The following LTBP1 variants were observed in gnomAD, a reference collection of about 807,000 sequenced individuals.
The protein encoded by LTBP1 is latent-transforming growth factor beta-binding protein 1.
A neutral mutation model predicts 207.6 loss-of-function variants in LTBP1; 129 were observed. The ratio of observed to expected loss-of-function variants is 0.62; its 90% CI spans 0.54 to 0.72. LTBP1 has a LOEUF of 0.72. Ranked by LOEUF, LTBP1 falls within the 30% of genes least tolerant of loss-of-function variation. LTBP1 has a pLI of 0.00. For missense variants in LTBP1, 2,281 were observed against 2,217.2 expected (o/e 1.03, Z -0.58); for synonymous variants, 963 against 833.7 (o/e 1.16, Z -2.67).
intron 9 of LTBP1, among the ~76,000 whole-genome samples, chr2:33,229,604 A>G (rs2091671029): frequency 1.3e-5 from 2 of 152,264 alleles, no homozygotes; most frequent in South Asian, 2.1e-4. Context: ...TAGAAGTGAT[A>G]GAAGTGCAAA....
chr2:33,221,231 A>G (rs530271717), intron 8 of LTBP1, among the ~76,000 whole-genome samples: 1 of 152,276 alleles, frequency 6.6e-6, no homozygotes, highest in East Asian at 1.9e-4. Context: ...TTATCTCTAA[A>G]TTGCAGAAGA....
In LTBP1 at chr2:33,188,689, A is replaced by C. The variant is rs113602370; in HGVS notation, c.1539A>C (p.Glu513Asp). 6.2e-7 allele frequency: 1 copy of C among 1,614,180 alleles called. No individual in the cohort carries two copies. Among genetic ancestry groups the C allele is most frequent in the East Asian group, 2.2e-5 (1 of 44,880 alleles). ...GCCCAACAGGCCAGAAGACAAAAGA[A>C]GCTCAACCAGGCCAATCCCAAGTCT... The part of the protein sequence containing the change: ...IDGPTGQKTK[E>D]AQPGQSQVSY... The change falls in exon 7 of 34, where the codon GAA becomes GAC. Residue 513 changes from glutamate (E) to aspartate (D), a missense_variant. Physicochemically the swap from Glu to Asp is conservative, Grantham distance 45. This residue lies in a region of LTBP1 where 1,671 missense variants were observed against 1,634.8 expected (regional missense o/e 1.02). Transcript: ENST00000404816.
chr2:32,976,547 T>C lies in LTBP1; in HGVS notation c.565+27602T>C, dbSNP rs146393600. 3.1e-3 allele frequency among the ~76,000 whole-genome samples: 478 copies of C among 152,260 alleles called. 1 individual carries two copies. The highest frequency in any genetic ancestry group is 8.2e-3 in the Admixed American group (125 of 15,298). ...TAGGCTCTTACCGTACTGCAAAGCT[T>C]TTTTGTTTTAGCACAGTGGGTAGGA... On this transcript the variant is annotated intron_variant, in intron 2 of 33. Transcript: ENST00000404816.
At chr2:33,011,170 A>C (rs1402965597) in intron 2 of LTBP1, among the ~76,000 whole-genome samples, 4 of 152,312 alleles carry the variant, frequency 2.6e-5, no homozygotes, top group African/African-American at 9.6e-5. Flanking sequence ...GCTTAATCCT[A>C]AAATATGGCC....
At position 33,351,517 on chromosome 2, in the gene LTBP1, T is replaced by C. The variant is rs904855185; in HGVS notation, c.4000+4007T>C. Among the ~76,000 whole-genome samples, 3 of 152,336 alleles carry C rather than the reference T, an allele frequency of 2.0e-5. 1 individual carries two copies. The highest frequency in any genetic ancestry group is 2.0e-4 in the Admixed American group (3 of 15,302). Reference sequence around the variant, plus strand: ...AATTTTTAAAAAGTCTCCTGCAGTATCACCATCCAATATCTGTCACCATGT... The same window carrying C: ...AATTTTTAAAAAGTCTCCTGCAGTACCACCATCCAATATCTGTCACCATGT... On this transcript the variant is annotated intron_variant, in intron 26 of 33. Transcript: ENST00000404816.
chr2:33,106,860 T>G (rs2080094181), intron 3 of LTBP1, among the ~76,000 whole-genome samples: 1 of 152,238 alleles, frequency 6.6e-6, no homozygotes, highest in Admixed American at 6.5e-5. Flanking sequence ...AGGCATTGAC[T>G]TCTTCTCCCT....
At chr2:33,294,852 C>G (rs978732238) in intron 20 of LTBP1, among the ~76,000 whole-genome samples, 1 of 151,860 alleles carries the variant, frequency 6.6e-6, no homozygotes, top group Non-Finnish European at 1.5e-5. Flanking sequence ...GCTGGGATTA[C>G]AGGCATGAGC....
At chr2:33,156,563 G>A (rs1182791799) in intron 5 of LTBP1, among the ~76,000 whole-genome samples, 1 of 151,994 alleles carries the variant, frequency 6.6e-6, no homozygotes, top group Non-Finnish European at 1.5e-5. Context: ...ATGACAGCAT[G>A]GTTTGCAAAA....
chr2:33,074,869 CA>C (rs36211816), intron 3 of LTBP1, among the ~76,000 whole-genome samples: 46 of 131,940 alleles, frequency 3.5e-4, no homozygotes, highest in African/African-American at 1.1e-3. Flanking sequence ...GACTCCATCT[CA>C]AAAAAAAAAA....
At chr2:33,380,647 A>T (rs2150380343) in intron 31 of LTBP1, among the ~76,000 whole-genome samples, 1 of 152,260 alleles carries the variant, frequency 6.6e-6, no homozygotes, top group Non-Finnish European at 1.5e-5. Context: ...ATCTAGTCTT[A>T]TTGCCTCATT....
intron 3 of LTBP1, among the ~76,000 whole-genome samples, chr2:33,053,384 C>G (rs748021396): frequency 2.0e-5 from 3 of 152,174 alleles, no homozygotes; most frequent in African/African-American, 4.8e-5. Context: ...AGGGTTCACC[C>G]TTGGTTTTGT....
intron 3 of LTBP1, among the ~76,000 whole-genome samples, chr2:33,032,087 C>A (rs1189153553): frequency 6.6e-6 from 1 of 152,126 alleles, no homozygotes; most frequent in East Asian, 1.9e-4. Flanking sequence ...CCTTTGGATT[C>A]GGGTTAAGGA....
chr2:32,970,938 C>T (rs1359962530), intron 2 of LTBP1, among the ~76,000 whole-genome samples: 3 of 150,558 alleles, frequency 2.0e-5, no homozygotes, highest in African/African-American at 7.4e-5. Context: ...TTTCTTTCAG[C>T]AGTGTTTTTC....
chr2:33,123,929 T>A (rs1381012689), intron 4 of LTBP1, among the ~76,000 whole-genome samples: 2 of 152,158 alleles, frequency 1.3e-5, no homozygotes, highest in African/African-American at 4.8e-5. Context: ...TCTTATTCAT[T>A]GAAAAAAAGT....
At chr2:33,168,505 G>A (rs2085135049) in intron 5 of LTBP1, among the ~76,000 whole-genome samples, 1 of 151,824 alleles carries the variant, frequency 6.6e-6, no homozygotes, top group African/African-American at 2.4e-5. Flanking sequence ...AACTTGTGAT[G>A]TTGTCTTACA....
Position 33,262,820 on chromosome 2 carries a change from A to C in LTBP1, c.2517A>C (p.Pro839=). Residue 839 remains proline (P), a splice_region_variant and synonymous_variant, in exon 14 of 34, where the codon CCA becomes CCC. Coordinates refer to ENST00000404816, the MANE Select transcript of LTBP1 (RefSeq NM_206943.4). ...ISTIHLHPQF[P]VVIEKTSPPV... is the part of the protein sequence containing the mutation. ...CTATTCATCTGCATCCACAGTTTCC[A>C]GGTAGCCTGTGTTGATCTGTGCTGT... 6.2e-7 allele frequency: 1 copy of C among 1,603,470 alleles called. No individual in the cohort carries two copies. Among genetic ancestry groups the C allele is most frequent in the Non-Finnish European group, 8.5e-7 (1 of 1,172,798 alleles).
chr2:33,323,665 T>A (rs2094388189), intron 24 of LTBP1, among the ~76,000 whole-genome samples: 1 of 152,020 alleles, frequency 6.6e-6, no homozygotes, highest in African/African-American at 2.4e-5. Context: ...TAAGTGGAAC[T>A]ATCCTAATTT....
intron 24 of LTBP1, among the ~76,000 whole-genome samples, chr2:33,325,822 T>C (rs1345378739): frequency 6.6e-6 from 1 of 152,200 alleles, no homozygotes; most frequent in Non-Finnish European, 1.5e-5. Context: ...CATAGTAAAC[T>C]GTAATTCTTT....
chr2:33,304,316 C>T (rs545660615), intron 22 of LTBP1, among the ~76,000 whole-genome samples: 4 of 152,264 alleles, frequency 2.6e-5, no homozygotes, highest in African/African-American at 7.2e-5. Flanking sequence ...GCAATGTTTC[C>T]GACCCTCCCC....
Sources: allele counts gnomAD v4.1 joint callset (sites outside exome capture counted in the v4.1 genomes callset), GRCh38; gene constraint gnomAD v4.1.1; regional missense constraint gnomAD v4.1.1; transcripts MANE v1.5; gene names NCBI Gene and HGNC (gene_info 2026-07-23, HGNC 2026-07-21).